The following DSE variants were observed in gnomAD, a reference collection of about 807,000 sequenced individuals.
DSE encodes the protein dermatan sulfate epimerase.
A neutral mutation model predicts 84.4 loss-of-function variants in DSE; 36 were observed. That is an observed-to-expected ratio of 0.43 (90% confidence interval 0.33 to 0.56). DSE has a LOEUF of 0.56. Among genes scored for constraint, DSE ranks in the 20% least tolerant of loss-of-function variants. The pLI, the probability that DSE is intolerant of heterozygous loss-of-function variation, is 0.06. For missense variants in DSE, 862 were observed against 1,169.6 expected, an observed-to-expected ratio of 0.74 and a Z score of 3.84; for synonymous variants, 410 against 430.1, an observed-to-expected ratio of 0.95 and a Z score of 0.58.
At chr6:116,285,466 AG>A (rs1338344129) in intron 2 of DSE, among the ~76,000 whole-genome samples, 3 of 152,284 alleles carry the variant, frequency 2.0e-5, no homozygotes, top group South Asian at 2.1e-4. Flanking sequence ...CCCATTCTGT[AG>A]GTTGCCTATT....
At chr6:116,284,412 G>A (rs575713826) in intron 2 of DSE, among the ~76,000 whole-genome samples, 1 of 152,194 alleles carries the variant, frequency 6.6e-6, no homozygotes, top group South Asian at 2.1e-4. Context: ...CTGTCACTTG[G>A]CCAAAATGGT....
intron 2 of DSE, among the ~76,000 whole-genome samples, chr6:116,330,629 C>CA (rs1390442767): frequency 6.6e-6 from 1 of 151,948 alleles, no homozygotes. Context: ...AAGAAAAATA[C>CA]AAAAAATACA....
intron 2 of DSE, among the ~76,000 whole-genome samples, chr6:116,405,121 C>T (rs185335162): frequency 6.6e-6 from 1 of 152,020 alleles, no homozygotes; most frequent in Non-Finnish European, 1.5e-5. Flanking sequence ...AAAAAGGTCT[C>T]TAGCATATTG....
chr6:116,363,158 CCTATAT>C (rs1778993591), intron 2 of DSE, among the ~76,000 whole-genome samples: 1 of 152,080 alleles, frequency 6.6e-6, no homozygotes. Flanking sequence ...ATTGTTGTAT[CCTATAT>C]CTATTTCTAC....
intron 2 of DSE, among the ~76,000 whole-genome samples, chr6:116,401,857 A>G (rs1309623866): frequency 1.3e-5 from 2 of 152,158 alleles, no homozygotes. Context: ...ATTTGATTTC[A>G]GAAAAAACAA....
chr6:116,429,931 C>A (rs1783709468), intron 3 of DSE, among the ~76,000 whole-genome samples: 1 of 12,566 alleles, frequency 8.0e-5, no homozygotes, highest in Non-Finnish European at 1.6e-4. Flanking sequence ...CCGTCTGGGC[C>A]ACAGAGCGAG....
intron 2 of DSE, among the ~76,000 whole-genome samples, chr6:116,413,556 T>C (rs987175861): frequency 2.0e-5 from 3 of 152,216 alleles, no homozygotes; most frequent in African/African-American, 7.2e-5. Context: ...ATGTCAGGTT[T>C]CCGGGGCTGA....
intron 2 of DSE, among the ~76,000 whole-genome samples, chr6:116,260,896 T>C (rs1772385451): frequency 6.6e-6 from 1 of 152,208 alleles, no homozygotes; most frequent in East Asian, 1.9e-4. Flanking sequence ...CCCTGTATTA[T>C]TGTTTGAAGT....
chr6:116,326,238 C>T (rs1470603832), intron 2 of DSE, among the ~76,000 whole-genome samples: 1 of 152,016 alleles, frequency 6.6e-6, no homozygotes, highest in Non-Finnish European at 1.5e-5. Flanking sequence ...AGACAGGCCT[C>T]ATCCTAGAGG....
chr6:116,324,728 G>T (rs1055378212), intron 2 of DSE, among the ~76,000 whole-genome samples: 16 of 152,172 alleles, frequency 1.1e-4, no homozygotes, highest in African/African-American at 3.9e-4. Context: ...TTAGCTTAAG[G>T]AAAGAACAGG....
chr6:116,309,384 A>G lies in DSE; in HGVS notation c.-54+50417A>G, dbSNP rs143126401. Among the ~76,000 whole-genome samples, 21 of 152,300 alleles carry G rather than the reference A, an allele frequency of 1.4e-4. No individual in the cohort carries two copies. The East Asian group carries it at 3.9e-3, about 28-fold the overall frequency. The stretch of plus-strand genomic sequence containing the variant: ...GAAGAAGGTCAATTGCCTATTATCT[A>G]TTGTCTAGCATGGGTTCTATTATTG... On this transcript the variant is annotated intron_variant, in intron 2 of 3. Transcript: ENST00000430252.
chr6:116,398,519 C>A (rs1781391020), intron 1 of DSE, among the ~76,000 whole-genome samples: 1 of 152,184 alleles, frequency 6.6e-6, no homozygotes, highest in Non-Finnish European at 1.5e-5. Context: ...GAAGGCATGT[C>A]AGTTTCTGGT....
intron 2 of DSE, among the ~76,000 whole-genome samples, chr6:116,281,409 A>C (rs1287834047): frequency 6.6e-6 from 1 of 152,230 alleles, no homozygotes; most frequent in Non-Finnish European, 1.5e-5. Flanking sequence ...TACAGAAGCA[A>C]TATGAAATGA....
intron 2 of DSE, among the ~76,000 whole-genome samples, chr6:116,324,276 T>C (rs1462839970): frequency 6.6e-6 from 1 of 152,224 alleles, no homozygotes; most frequent in Non-Finnish European, 1.5e-5. Flanking sequence ...TTCCTCAGTT[T>C]TTGGCCTAAC....
At chr6:116,430,154 A>G (rs1449136892) in intron 3 of DSE, among the ~76,000 whole-genome samples, 1 of 152,222 alleles carries the variant, frequency 6.6e-6, no homozygotes, top group Non-Finnish European at 1.5e-5. Context: ...CAGGATTCCT[A>G]GTTGATTTTT....
At chr6:116,295,354 G>T (rs1005654858) in intron 2 of DSE, among the ~76,000 whole-genome samples, 5 of 152,124 alleles carry the variant, frequency 3.3e-5, no homozygotes, top group Admixed American at 6.5e-5. Flanking sequence ...TCGCTGTGGA[G>T]TATTATGTTC....
intron 2 of DSE, among the ~76,000 whole-genome samples, chr6:116,307,255 A>G (rs1775404256): frequency 1.3e-5 from 2 of 152,174 alleles, no homozygotes; most frequent in South Asian, 2.1e-4. Context: ...CCAATCATTC[A>G]TTAACCTTAC....
chr6:116,416,972 G>A (rs1412567425), intron 2 of DSE, among the ~76,000 whole-genome samples: 3 of 152,078 alleles, frequency 2.0e-5, no homozygotes, highest in African/African-American at 7.2e-5. Flanking sequence ...AACAATATAG[G>A]CAGACCTGGT....
intron 3 of DSE, among the ~76,000 whole-genome samples, chr6:116,430,350 CAA>C (rs1309318472): frequency 2.0e-5 from 3 of 152,174 alleles, no homozygotes; most frequent in Non-Finnish European, 4.4e-5. Context: ...GCAAGTTTCA[CAA>C]AGAGATAAAC....
Sources: allele counts gnomAD v4.1 joint callset (sites outside exome capture counted in the v4.1 genomes callset), GRCh38; gene constraint gnomAD v4.1.1; transcripts MANE v1.5; gene names NCBI Gene and HGNC (gene_info 2026-07-23, HGNC 2026-07-21).